The following DMXL1 variants were observed in gnomAD, a reference collection of about 807,000 sequenced individuals.
DMXL1 encodes the protein Dmx like 1.
DMXL1 carries 99 observed loss-of-function variants against 319.2 expected under a neutral mutation model. That is an observed-to-expected ratio of 0.31 (90% CI 0.26 to 0.37). The LOEUF (loss-of-function observed/expected upper bound fraction) is 0.37, where lower values mean the gene tolerates loss of function less well. Ranked by LOEUF, DMXL1 falls within the 10% of genes least tolerant of loss-of-function variation. The pLI, the probability that DMXL1 is intolerant of heterozygous loss-of-function variation, is 1.00. For synonymous variants in DMXL1, 1,385 were observed against 1,235.2 expected (o/e 1.12, Z -2.54); for missense variants, 3,745 against 3,595.6 (o/e 1.04, Z -1.06).
intron 7 of DMXL1, 121 bp downstream of exon 7, chr5:119,116,457 T>A: frequency 9.2e-7 from 1 of 1,085,874 alleles, no homozygotes; most frequent in Non-Finnish European, 1.3e-6. Context: ...AAGATTAGAG[T>A]AATATTAAAT....
At chr5:119,209,459 C>T (rs1360126718) in intron 34 of DMXL1, among the ~76,000 whole-genome samples, 1 of 151,430 alleles carries the variant, frequency 6.6e-6, no homozygotes, top group Non-Finnish European at 1.5e-5. Context: ...AAGCAGTTCT[C>T]TTGCCTCAGC....
At position 119,149,190 on chromosome 5, in the gene DMXL1, A is replaced by G. The variant is rs751075668; in HGVS notation, c.3363A>G (p.Lys1121=). Residue 1121 remains lysine (K), a synonymous_variant, in exon 18 of 44, where the codon AAA becomes AAG. Transcript: ENST00000539542. ...SVDSNLVAYN[K]QDMYLSSKEN... ...ATAGCAATTTAGTGGCCTATAATAA[A>G]CAAGACATGTATTTATCTAGTAAAG... 5.6e-6 allele frequency: 9 copies of G among 1,613,798 alleles called. No individual in the cohort carries two copies. Among genetic ancestry groups the G allele is most frequent in the South Asian group, 3.3e-5 (3 of 91,090 alleles).
chr5:119,149,909 A>C lies in DMXL1; in HGVS notation c.4082A>C (p.Asn1361Thr). The change falls in exon 18 of 44, where the codon AAT becomes ACT. Residue 1361 changes from asparagine (N) to threonine (T), a missense_variant. Physicochemically the swap from Asn to Thr is moderately conservative, Grantham distance 65. Transcript: ENST00000539542. ...ATTGCTGGGGAAGTTGTGGCTCTGA[A>C]TGAAGCTGAATCTAATCATGAACGC... ...KCIAGEVVAL[N>T]EAESNHERRL... 1.2e-6 allele frequency: 2 copies of C among 1,613,892 alleles called. No individual in the cohort carries two copies. Among genetic ancestry groups the C allele is most frequent in the Non-Finnish European group, 1.7e-6 (2 of 1,179,926 alleles).
chr5:119,200,259 A>C (rs1392801978), intron 32 of DMXL1, among the ~76,000 whole-genome samples: 1 of 152,108 alleles, frequency 6.6e-6, no homozygotes, highest in Non-Finnish European at 1.5e-5. Flanking sequence ...TGTATGTTGC[A>C]AGGAAGGCAT....
intron 5 of DMXL1, among the ~76,000 whole-genome samples, chr5:119,111,537 C>T (rs983704118): frequency 3.3e-5 from 5 of 151,800 alleles, no homozygotes; most frequent in African/African-American, 1.2e-4. Flanking sequence ...TATTGCTGTT[C>T]GACAAGAAAT....
chr5:119,143,744 TTTA>T, intron 13 of DMXL1, 94 bp from the exon 14 acceptor site: 1 of 755,270 alleles, frequency 1.3e-6, no homozygotes, highest in Non-Finnish European at 2.1e-6. Context: ...CCACTTGAAT[TTTA>T]TTGTTATTTA....
At chr5:119,136,562 C>T (rs1330441239) in intron 13 of DMXL1, among the ~76,000 whole-genome samples, 2 of 152,222 alleles carry the variant, frequency 1.3e-5, no homozygotes, top group African/African-American at 4.8e-5. Context: ...CATCAGAGGT[C>T]CAGAGGCCTA....
chr5:119,090,037 T>TTTTTTTTTTTTTTTTTTAG, intron 1 of DMXL1, among the ~76,000 whole-genome samples: 1 of 121,310 alleles, frequency 8.2e-6, no homozygotes, highest in African/African-American at 3.2e-5. Context: ...TTTTTTTTTT[T>TTTTTTTTTTTTTTTTTTAG]GAGAAGGACT....
At chr5:119,234,201 A>G (rs866418076) in intron 39 of DMXL1, among the ~76,000 whole-genome samples, 1 of 152,236 alleles carries the variant, frequency 6.6e-6, no homozygotes, top group South Asian at 2.1e-4. Flanking sequence ...TTAGACAGCA[A>G]TCTTTTATTG....
At chr5:119,210,919 C>T (rs1472388064) in intron 34 of DMXL1, among the ~76,000 whole-genome samples, 1 of 150,936 alleles carries the variant, frequency 6.6e-6, no homozygotes, top group Non-Finnish European at 1.5e-5. Context: ...GTTGTAGATG[C>T]CCTTTATAAG....
chr5:119,102,317 A>T (rs1757443827), intron 3 of DMXL1: 1 of 216,168 alleles, frequency 4.6e-6, no homozygotes. Context: ...ACCGTTGTCC[A>T]GCCATATGTG....
chr5:119,123,899 C>T (rs1394803144), intron 9 of DMXL1, among the ~76,000 whole-genome samples: 4 of 147,634 alleles, frequency 2.7e-5, no homozygotes, highest in African/African-American at 1.0e-4. Context: ...CAACATGATC[C>T]AGGTTTGATT....
intron 1 of DMXL1, among the ~76,000 whole-genome samples, chr5:119,081,069 G>T (rs1580573792): frequency 6.6e-6 from 1 of 152,084 alleles, no homozygotes; most frequent in East Asian, 1.9e-4. Flanking sequence ...CTACCTCTAG[G>T]GACAGTGACT....
intron 23 of DMXL1, 134 bp from the exon 24 acceptor site, chr5:119,170,056 C>A: frequency 1.3e-6 from 1 of 744,986 alleles, no homozygotes; most frequent in Non-Finnish European, 2.1e-6. Context: ...TGCCATGGAT[C>A]ATTGTGGCCT....
At chr5:119,210,756 C>CTTTTTTTTTTTTTTTTTTTTTTTTTT (rs1205202596) in intron 34 of DMXL1, among the ~76,000 whole-genome samples, 1 of 65,966 alleles carries the variant, frequency 1.5e-5, no homozygotes, top group African/African-American at 5.1e-5. Context: ...TTTTTTCTTT[C>CTTTTTTTTTTTTTTTTTTTTTTTTTT]GTTTTTTTTT....
In DMXL1 at chr5:119,181,588, T is replaced by G. The variant is rs905052430; in HGVS notation, c.7135+3344T>G. 6.6e-5 allele frequency among the ~76,000 whole-genome samples: 10 copies of G among 152,220 alleles called. No homozygotes were observed. In the East Asian group the frequency reaches 7.7e-4, roughly 12 times the overall value. ...TGTAATCCCAGCATTTTGGGAGGCC[T>G]AGGTGGGCAGATCACCTGAGGTCAG... On this transcript the variant is annotated intron_variant, in intron 28 of 43. Transcript: ENST00000539542.
intron 1 of DMXL1, among the ~76,000 whole-genome samples, chr5:119,086,802 A>G (rs574364530): frequency 1.3e-5 from 2 of 151,132 alleles, no homozygotes; most frequent in East Asian, 3.9e-4. Flanking sequence ...TAAATGTTTG[A>G]TAGAATTCAG....
intron 1 of DMXL1, among the ~76,000 whole-genome samples, chr5:119,074,489 A>G (rs1750366413): frequency 6.6e-6 from 1 of 152,240 alleles, no homozygotes; most frequent in Non-Finnish European, 1.5e-5. Flanking sequence ...GAAAGATTAC[A>G]AGATGTGAGA....
intron 6 of DMXL1, 39 bp from the exon 7 acceptor site, chr5:119,116,119 G>A: frequency 6.5e-7 from 1 of 1,547,760 alleles, no homozygotes; most frequent in Non-Finnish European, 8.7e-7. Flanking sequence ...CTTTAATTCT[G>A]ATCTCCATGA....
Sources: gnomAD v4.1 joint callset for allele counts (sites outside exome capture counted in the v4.1 genomes callset) on GRCh38, gnomAD v4.1.1 for gene constraint, MANE v1.5 for transcripts, NCBI Gene and HGNC (gene_info 2026-07-23, HGNC 2026-07-21) for gene names.